The following ZNF317 variants were observed in gnomAD, a reference collection of about 807,000 sequenced individuals.
ZNF317 encodes zinc finger protein 317.
In ZNF317, 17 loss-of-function variants were observed where a neutral mutation model predicts 23.4. The observed-to-expected ratio is 0.73, with a 90% confidence interval of 0.50 to 1.09. ZNF317 has a LOEUF of 1.09. Among genes scored for constraint, ZNF317 ranks in the 50% least tolerant of loss-of-function variants. The pLI is 0.00. For missense variants in ZNF317, 679 were observed against 796.7 expected, an observed-to-expected ratio of 0.85 and a Z score of 1.78; for synonymous variants, 317 against 314.9, an observed-to-expected ratio of 1.01 and a Z score of -0.07.
intron 1 of ZNF317, among the ~76,000 whole-genome samples, chr19:9,154,724 T>A (rs1341039406): frequency 6.6e-6 from 1 of 152,250 alleles, no homozygotes; most frequent in Non-Finnish European, 1.5e-5. Context: ...ACAGTTTCTC[T>A]TATATAAATA....
At chr19:9,154,956 G>A (rs910448060) in intron 1 of ZNF317, among the ~76,000 whole-genome samples, 5 of 152,090 alleles carry the variant, frequency 3.3e-5, no homozygotes, top group South Asian at 2.1e-4. Flanking sequence ...AACACCATTC[G>A]ATGTGATTCT....
Position 9,161,597 on chromosome 19 carries a change from C to T in ZNF317, c.*164C>T. 9.4e-7 allele frequency: 1 copy of T among 1,059,046 alleles called. No individual in the cohort carries two copies. The highest frequency in any genetic ancestry group is 2.5e-5 in the East Asian group (1 of 40,494). 65.6% of individuals were successfully genotyped at this position (1,059,046 alleles called of 1,614,324 possible). On this transcript the variant is annotated 3_prime_UTR_variant, in exon 7 of 7. Transcript: ENST00000247956. The surrounding 1 kb of genome is among the most constrained non-coding windows in gnomAD (Gnocchi z 4.0). ...ACTGGGAAGACGAGGCGTTCTCATC[C>T]CATAGGAGGTTTGTGAGAACTCACG...
intron 1 of ZNF317, among the ~76,000 whole-genome samples, chr19:9,144,295 G>A (rs994851914): frequency 1.2e-4 from 19 of 152,228 alleles, no homozygotes; most frequent in African/African-American, 3.4e-4. Context: ...GAGCCACCGC[G>A]CCCGGCTCTT....
In ZNF317 at chr19:9,160,952, A is replaced by G; in HGVS notation, c.1307A>G (p.His436Arg). ...CGAAACCAGTCCATCCTTAAGACTC[A>G]CATGAACTCTCACACTGGAGAGAAA... ...TFRNQSILKTHMNSHTGEKPY... is the reference protein window; with the variant it reads ...TFRNQSILKTRMNSHTGEKPY... The change falls in exon 7 of 7, where the codon CAC becomes CGC. Residue 436 changes from histidine (H) to arginine (R), a missense_variant. Coordinates refer to ENST00000247956, the MANE Select transcript of ZNF317 (RefSeq NM_020933.5). The surrounding 1 kb of genome is among the most constrained non-coding windows in gnomAD (Gnocchi z 6.8). The G allele has an allele frequency of 6.2e-7, 1 of 1,613,676 alleles. No homozygotes were observed.
In ZNF317 at chr19:9,158,091, G is replaced by A. The variant is rs2050805781; in HGVS notation, c.385+16G>A. 6.5e-7 allele frequency: 1 copy of A among 1,547,902 alleles called. No homozygotes were observed. Among genetic ancestry groups the A allele is most frequent in the Non-Finnish European group, 8.7e-7 (1 of 1,145,624 alleles). On this transcript the variant is annotated intron_variant, in intron 5 of 6. Transcript: ENST00000247956. ...GCTTGTGCAGGTGAGCGAGCCCCAG[G>A]CAAAGAGCGGTGCTGTGACTCTACC...
At chr19:9,141,289 GACT>G (rs2050627505) in intron 1 of ZNF317, among the ~76,000 whole-genome samples, 1 of 152,068 alleles carries the variant, frequency 6.6e-6, no homozygotes, top group African/African-American at 2.4e-5. Flanking sequence ...CACACACGCA[GACT>G]TACACACACT....
rs147160546 is a variant in ZNF317 at position 9,157,991 on chromosome 19, G to A, written c.301G>A (p.Gly101Ser). Residue 101 changes from glycine (G) to serine (S), a missense_variant, in exon 5 of 7, where the codon GGC becomes AGC. Gly to Ser is a moderately conservative substitution (Grantham distance 56). Coordinates refer to ENST00000247956, the MANE Select transcript of ZNF317 (RefSeq NM_020933.5). ...TCCCGTGAGTGTAGGGTATCAGGTC[G>A]GCAAACCCAGCCTCATCTCACACTT... ...SNLTSLGYQV[G>S]KPSLISHLEQ... The A allele has an allele frequency of 1.6e-5, 25 of 1,551,242 alleles. No homozygotes were observed. The highest frequency in any genetic ancestry group is 9.8e-5 in the Admixed American group (5 of 50,950).
chr19:9,158,363 C>CTTTTTTT (rs200591339), intron 5 of ZNF317, among the ~76,000 whole-genome samples: 1,703 of 76,606 alleles, frequency 0.022, 37 homozygotes, highest in Non-Finnish European at 0.028. Context: ...TTTCTTTTTT[C>CTTTTTTT]TTTTTTTTTT....
chr19:9,150,218 G>A lies in ZNF317; in HGVS notation c.-92-5707G>A, dbSNP rs142604928. On this transcript the variant is annotated intron_variant, in intron 1 of 6. Coordinates refer to ENST00000247956, the MANE Select transcript of ZNF317 (RefSeq NM_020933.5). ...CTGGGTGGGGCAGGTGCCAGGGAGC[G>A]GAGAGTGGCACCCACTATAAATGAA... 7.8e-3 allele frequency among the ~76,000 whole-genome samples: 1,188 copies of A among 152,290 alleles called. 14 individuals are homozygous for A. Among genetic ancestry groups the A allele is most frequent in the African/African-American group, 0.025 (1,031 of 41,542 alleles).
chr19:9,144,311 A>C (rs1297163036), intron 1 of ZNF317, among the ~76,000 whole-genome samples: 1 of 152,224 alleles, frequency 6.6e-6, no homozygotes, highest in African/African-American at 2.4e-5. Flanking sequence ...CTCTTATTGT[A>C]TTCTTATATT....
chr19:9,153,548 T>C (rs978518915), intron 1 of ZNF317, among the ~76,000 whole-genome samples: 1 of 151,988 alleles, frequency 6.6e-6, no homozygotes. Flanking sequence ...GGAACCTAAG[T>C]GTTAGAGATG....
rs891294064 is a variant in ZNF317, at chr19:9,158,602, G to A, written c.386-224G>A. ...GATCCACCCACCTCGGCCTCCCAGA[G>A]TGCTGGGATTACAGGCGTGAGCCAC... On this transcript the variant is annotated intron_variant, in intron 5 of 6. Coordinates refer to ENST00000247956, the MANE Select transcript of ZNF317 (RefSeq NM_020933.5). 2.6e-5 allele frequency among the ~76,000 whole-genome samples: 4 copies of A among 151,890 alleles called. No homozygotes were observed. In the East Asian group the frequency reaches 7.7e-4, roughly 29 times the overall value.
Position 9,160,110 on chromosome 19 carries a change from A to G in ZNF317, c.469-4A>G, listed in dbSNP as rs376733284. On this transcript the variant is annotated splice_region_variant and splice_polypyrimidine_tract_variant and intron_variant, in intron 6 of 6. Transcript: ENST00000247956. The surrounding 1 kb of genome is among the most constrained non-coding windows in gnomAD (Gnocchi z 6.8). Reference sequence around the variant, plus strand: ...TTTGTCAGCACTTACGTCTTAACCAACAGGAAAGAGCCGGTCTTGGAGAGA... The same window carrying G: ...TTTGTCAGCACTTACGTCTTAACCAGCAGGAAAGAGCCGGTCTTGGAGAGA... 16 of 1,613,596 alleles carry G rather than the reference A, an allele frequency of 9.9e-6. No individual in the cohort carries two copies. The African/African-American group carries it at 2.0e-4, about 20-fold the overall frequency.
intron 1 of ZNF317, among the ~76,000 whole-genome samples, chr19:9,144,695 AATT>A (rs2050667954): frequency 6.6e-6 from 1 of 152,124 alleles, no homozygotes; most frequent in African/African-American, 2.4e-5. Flanking sequence ...CCTCAGAAGA[AATT>A]ATTATTGCTA....
intron 1 of ZNF317, among the ~76,000 whole-genome samples, chr19:9,148,567 G>T (rs960398903): frequency 1.0e-5 from 1 of 97,576 alleles, no homozygotes; most frequent in African/African-American, 5.2e-5. Flanking sequence ...GTCTCCCAAG[G>T]TCTGGGTGGC....
chr19:9,156,892 C>A, intron 3 of ZNF317, 144 bp downstream of exon 3: 2 of 1,046,168 alleles, frequency 1.9e-6, no homozygotes, highest in Non-Finnish European at 2.7e-6. Context: ...AATATTGGGG[C>A]TGTCCTGGTG....
chr19:9,149,393 A>G (rs2050716885), intron 1 of ZNF317, among the ~76,000 whole-genome samples: 1 of 151,890 alleles, frequency 6.6e-6, no homozygotes, highest in Non-Finnish European at 1.5e-5. Flanking sequence ...AATCACTTGA[A>G]CCCGGGAGGC....
chr19:9,151,266 T>C (rs2050733579), intron 1 of ZNF317, among the ~76,000 whole-genome samples: 3 of 152,190 alleles, frequency 2.0e-5, no homozygotes, highest in African/African-American at 4.8e-5. Flanking sequence ...TCATGCATCT[T>C]TGAGTTGGCC....
intron 1 of ZNF317, among the ~76,000 whole-genome samples, chr19:9,145,704 G>A (rs1350311965): frequency 1.3e-5 from 2 of 152,076 alleles, no homozygotes; most frequent in Non-Finnish European, 2.9e-5. Context: ...TCTCTCATCA[G>A]TAACTCCAGT....
Sources: allele counts gnomAD v4.1 joint callset (sites outside exome capture counted in the v4.1 genomes callset), GRCh38; gene constraint gnomAD v4.1.1; non-coding constraint Gnocchi (gnomAD v3.1); transcripts MANE v1.5; gene names NCBI Gene and HGNC (gene_info 2026-07-23, HGNC 2026-07-21).